The following FYCO1 variants were observed in gnomAD, a reference collection of about 807,000 sequenced individuals.
The protein encoded by FYCO1 is FYVE and coiled-coil domain-containing protein 1.
Under a neutral mutation model 165.1 loss-of-function variants are expected in FYCO1, and 122 were observed. The observed-to-expected ratio is 0.74, with a 90% CI of 0.64 to 0.86. The LOEUF (loss-of-function observed/expected upper bound fraction) is 0.86. Among genes scored for constraint, FYCO1 ranks in the 40% least tolerant of loss-of-function variants. FYCO1 has a pLI of 0.00. For missense variants in FYCO1, 1,702 were observed against 1,810.3 expected (o/e 0.94, Z 1.09); for synonymous variants, 648 against 742.5 (o/e 0.87, Z 2.07).
chr3:45,994,162 G>A lies in FYCO1; in HGVS notation c.-113+1560C>T, dbSNP rs117806446. On this transcript the variant is annotated intron_variant, in intron 1 of 17. Coordinates refer to ENST00000296137, the MANE Select transcript of FYCO1 (RefSeq NM_024513.4). ...CCAGCCCCAAGGGGCAAAGGTCATC[G>A]GAACAACAGCTAAAGGATCACTGCC... Among the ~76,000 whole-genome samples, 576 of 151,716 alleles carry A rather than the reference G, an allele frequency of 3.8e-3. 12 individuals are homozygous for A. Among genetic ancestry groups the A allele is most frequent in the East Asian group, 0.037 (190 of 5,166 alleles).
intron 14 of FYCO1, among the ~76,000 whole-genome samples, chr3:45,948,698 C>T (rs755516432): frequency 5.3e-5 from 8 of 152,286 alleles, no homozygotes; most frequent in South Asian, 4.1e-4. Context: ...CACCAAAATA[C>T]GGAGAACCAA....
In FYCO1 at chr3:45,967,305, T is replaced by G; in HGVS notation, c.2029A>C (p.Met677Leu). ...CTTACAGCCAGCAAGCTCGCCTCCA[T>G]CTGGTCACCCAAGTGCCGGATGCTG... ...QASIRHLGDQMEASLLAVRKA... is the reference protein window; with the variant it reads ...QASIRHLGDQLEASLLAVRKA... The change falls in exon 8 of 18, where the codon ATG becomes CTG. Residue 677 changes from methionine (M) to leucine (L), a missense_variant. Coordinates refer to ENST00000296137, the MANE Select transcript of FYCO1 (RefSeq NM_024513.4). 6.2e-7 allele frequency: 1 copy of G among 1,613,824 alleles called. No individual in the cohort carries two copies. The highest frequency in any genetic ancestry group is 8.5e-7 in the Non-Finnish European group (1 of 1,179,898).
At chr3:45,936,690 G>T in intron 14 of FYCO1, 147 bp from the exon 15 acceptor site, 2 of 702,946 alleles carry the variant, frequency 2.8e-6, no homozygotes, top group Non-Finnish European at 5.2e-6. Context: ...AGAGACCCTG[G>T]CAGATTTTGT....
intron 1 of FYCO1, among the ~76,000 whole-genome samples, chr3:45,988,316 A>G (rs930233070): frequency 6.6e-6 from 1 of 152,082 alleles, no homozygotes; most frequent in African/African-American, 2.4e-5. Context: ...TAACCAACAA[A>G]AGGCACAGAA....
intron 3 of FYCO1, among the ~76,000 whole-genome samples, chr3:45,980,948 T>C (rs1219330220): frequency 1.3e-5 from 2 of 152,250 alleles, no homozygotes; most frequent in African/African-American, 4.8e-5. Context: ...CAGCACTTTT[T>C]GGGCTAAGCA....
intron 14 of FYCO1, among the ~76,000 whole-genome samples, chr3:45,949,577 C>T (rs1704867013): frequency 6.6e-6 from 1 of 152,166 alleles, no homozygotes; most frequent in Non-Finnish European, 1.5e-5. Context: ...GATGCAGTAC[C>T]CCTGACCCAA....
chr3:45,985,339 G>A lies in FYCO1; in HGVS notation c.-112-317C>T, dbSNP rs183240721. ...TTACTTTCCTTTAAAAAGCCACCTA[G>A]TGGCTCTCTCCATCCCCTTATACCA... is the stretch of plus-strand genomic sequence containing the variant. On this transcript the variant is annotated intron_variant, in intron 1 of 17. Coordinates refer to ENST00000296137, the MANE Select transcript of FYCO1 (RefSeq NM_024513.4). 6.6e-4 allele frequency among the ~76,000 whole-genome samples: 100 copies of A among 152,258 alleles called. 1 individual carries two copies. Among genetic ancestry groups the A allele is most frequent in the Non-Finnish European group, 1.3e-3 (91 of 68,008 alleles).
rs1705779520 is a variant in FYCO1, at chr3:45,962,778, TG to T, written c.3270-387del. On this transcript the variant is annotated intron_variant, in intron 10 of 17. Transcript: ENST00000296137. This position sits in a 1 kb window ranked among gnomAD's most constrained non-coding sequence, Gnocchi z 4.4. ...CAGGCAGGACAGAGGTGTAGCTTCC[TG>T]GAGGTGGCCACACAGAGGAGGGCCT... is the stretch of plus-strand genomic sequence containing the variant. Among the ~76,000 whole-genome samples, 1 of 152,124 alleles carries T rather than the reference TG, an allele frequency of 6.6e-6. No homozygotes were observed. Among genetic ancestry groups the T allele is most frequent in the African/African-American group, 2.4e-5 (1 of 41,416 alleles).
At chr3:45,963,700 G>A (rs947325768) in intron 10 of FYCO1, among the ~76,000 whole-genome samples, 1 of 152,208 alleles carries the variant, frequency 6.6e-6, no homozygotes, top group Non-Finnish European at 1.5e-5. Flanking sequence ...ATCAGGTCCT[G>A]GCTCAACTAG....
intron 14 of FYCO1, chr3:45,947,697 C>G: frequency 1.7e-6 from 1 of 592,966 alleles, no homozygotes; most frequent in Non-Finnish European, 3.0e-6. Context: ...AACACTCATG[C>G]TGAAAGCCCA....
At chr3:45,946,595 C>T (rs530411795) in intron 14 of FYCO1, 2 of 1,614,180 alleles carry the variant, frequency 1.2e-6, no homozygotes, top group East Asian at 2.2e-5. Flanking sequence ...CCTGCATGTA[C>T]CTGGTGGTGT....
At chr3:45,929,829 G>A (rs757213687) in intron 16 of FYCO1, among the ~76,000 whole-genome samples, 1 of 152,216 alleles carries the variant, frequency 6.6e-6, no homozygotes, top group Non-Finnish European at 1.5e-5. Context: ...TCCCTGCATT[G>A]AGCAGATTCC....
intron 14 of FYCO1, chr3:45,947,795 T>G (rs1291837237): frequency 5.2e-5 from 21 of 407,228 alleles, no homozygotes; most frequent in Non-Finnish European, 4.6e-6. Flanking sequence ...ACTCCTATGA[T>G]CTCAGGTTCT....
rs1703020043 is a variant in FYCO1, at chr3:45,919,436, G to A, written c.*2329C>T. On this transcript the variant is annotated 3_prime_UTR_variant, in exon 18 of 18. Coordinates refer to ENST00000296137, the MANE Select transcript of FYCO1 (RefSeq NM_024513.4). ...ACCTCAGGGCACGGGGCAGTCCTCCGAATGCAGCAAAGGCTTTTTTTGAAC... is the reference window on the plus strand; with the variant it reads ...ACCTCAGGGCACGGGGCAGTCCTCCAAATGCAGCAAAGGCTTTTTTTGAAC... 1 of 152,220 alleles carries A rather than the reference G, an allele frequency of 6.6e-6. No homozygotes were observed. Among genetic ancestry groups the A allele is most frequent in the African/African-American group, 2.4e-5 (1 of 41,446 alleles). 9.4% of individuals were successfully genotyped at this position (152,220 alleles called of 1,614,324 possible).
chr3:45,980,605 C>G (rs1025822715), intron 3 of FYCO1, among the ~76,000 whole-genome samples: 1 of 152,154 alleles, frequency 6.6e-6, no homozygotes, highest in Non-Finnish European at 1.5e-5. Flanking sequence ...AAAGAACCAG[C>G]TGAAATGTCA....
intron 14 of FYCO1, chr3:45,947,447 G>A: frequency 6.2e-7 from 1 of 1,614,230 alleles, no homozygotes; most frequent in Non-Finnish European, 8.5e-7. Context: ...AATCTTCTGA[G>A]GACAATTCCA....
chr3:45,922,222 A>C (rs979870773), intron 17 of FYCO1, among the ~76,000 whole-genome samples: 5 of 152,240 alleles, frequency 3.3e-5, no homozygotes, highest in African/African-American at 1.2e-4. Flanking sequence ...CCTACTCGGC[A>C]GCTAACTCAG....
At chr3:45,977,897 C>T (rs1365145220) in intron 4 of FYCO1, among the ~76,000 whole-genome samples, 1 of 152,118 alleles carries the variant, frequency 6.6e-6, no homozygotes, top group Non-Finnish European at 1.5e-5. Context: ...ACCAAGTAAC[C>T]AGCAACTCAC....
intron 6 of FYCO1, 89 bp downstream of exon 6, chr3:45,972,999 C>T: frequency 2.1e-6 from 3 of 1,431,888 alleles, no homozygotes; most frequent in Non-Finnish European, 2.9e-6. Flanking sequence ...ACTGAGCAAG[C>T]AAAATTGTTT....
Sources: allele counts gnomAD v4.1 joint callset (sites outside exome capture counted in the v4.1 genomes callset), GRCh38; gene constraint gnomAD v4.1.1; non-coding constraint Gnocchi (gnomAD v3.1); transcripts MANE v1.5; gene names NCBI Gene and HGNC (gene_info 2026-07-23, HGNC 2026-07-21).